APLP2: variants seen among roughly 807,000 people sequenced by gnomAD.
The protein encoded by APLP2 is amyloid beta precursor like protein 2, also known as CDEI box-binding protein.
APLP2 carries 53 observed loss-of-function variants against 89.9 expected under a neutral mutation model. The ratio of observed to expected loss-of-function variants is 0.59; its 90% CI spans 0.47 to 0.74. The LOEUF (loss-of-function observed/expected upper bound fraction) is 0.74. Ranked by LOEUF, APLP2 falls within the 30% of genes least tolerant of loss-of-function variation. The pLI is 0.00. For synonymous variants in APLP2, 372 were observed against 348.6 expected, an observed-to-expected ratio of 1.07 and a Z score of -0.75; for missense variants, 973 against 975.9, an observed-to-expected ratio of 1.00 and a Z score of 0.04.
intron 12 of APLP2, 24 bp downstream of exon 12, chr11:130,133,752 A>G (rs1951206083): frequency 4.5e-6 from 7 of 1,565,434 alleles, no homozygotes; most frequent in South Asian, 1.1e-5. Flanking sequence ...CTTTGTGTCA[A>G]GGTCATACGG....
chr11:130,131,748 A>G (rs1565597869), intron 11 of APLP2, among the ~76,000 whole-genome samples: 1 of 152,162 alleles, frequency 6.6e-6, no homozygotes, highest in Non-Finnish European at 1.5e-5. Context: ...AGTAGAAGGG[A>G]AGGAGAGATT....
chr11:130,071,933 CA>C (rs1314932985), intron 1 of APLP2, among the ~76,000 whole-genome samples: 1 of 152,148 alleles, frequency 6.6e-6, no homozygotes, highest in Non-Finnish European at 1.5e-5. Context: ...TGCTGTCAGG[CA>C]AGGGACTGTC....
chr11:130,078,256 C>T (rs966184139), intron 1 of APLP2, among the ~76,000 whole-genome samples: 1 of 151,934 alleles, frequency 6.6e-6, no homozygotes, highest in African/African-American at 2.4e-5. Flanking sequence ...TTTTTGACAG[C>T]CACGTGTATT....
chr11:130,076,823 A>G (rs1942215575), intron 1 of APLP2, among the ~76,000 whole-genome samples: 1 of 152,192 alleles, frequency 6.6e-6, no homozygotes, highest in Non-Finnish European at 1.5e-5. Flanking sequence ...GCCCACCAGC[A>G]TAAGACCCCT....
At chr11:130,117,822 C>G (rs1313094056) in intron 3 of APLP2, among the ~76,000 whole-genome samples, 1 of 152,122 alleles carries the variant, frequency 6.6e-6, no homozygotes, top group Non-Finnish European at 1.5e-5. Context: ...CCTGTAATCC[C>G]AACACTTGGG....
intron 1 of APLP2, among the ~76,000 whole-genome samples, chr11:130,099,899 A>G (rs1371830431): frequency 6.6e-6 from 1 of 152,190 alleles, no homozygotes; most frequent in Admixed American, 6.5e-5. Flanking sequence ...TGCGGCAGGC[A>G]TTGTGCTCAG....
At chr11:130,105,050 G>C (rs1397586155) in intron 1 of APLP2, among the ~76,000 whole-genome samples, 1 of 152,222 alleles carries the variant, frequency 6.6e-6, no homozygotes, top group Non-Finnish European at 1.5e-5. Context: ...TAGAAGGATT[G>C]TTCATGTCTG....
Position 130,109,332 on chromosome 11 carries a change from G to T in APLP2, c.106-97G>T. 7 of 1,096,482 alleles carry T rather than the reference G, an allele frequency of 6.4e-6. No homozygotes were observed. In the South Asian group the frequency reaches 1.2e-4, roughly 19 times the overall value. 67.9% of individuals were successfully genotyped at this position (1,096,482 alleles called of 1,614,324 possible). On this transcript the variant is annotated intron_variant, in intron 1 of 16. Coordinates refer to ENST00000338167, the MANE Select transcript of APLP2 (RefSeq NM_001142276.2). ...AAGATACAAATAGTAAATAATTAAG[G>T]TTTTTAAAAGATGCATTCTGTCACA... is the stretch of plus-strand genomic sequence containing the variant.
chr11:130,141,490 T>C lies in APLP2; in HGVS notation c.1924-8T>C. The stretch of plus-strand genomic sequence containing the variant: ...TGCTTGCTGCCGACATTCTCATGAC[T>C]GTTTCAGGTCATTGACGAGACTCTG... On this transcript the variant is annotated splice_polypyrimidine_tract_variant and splice_region_variant and intron_variant, in intron 14 of 16. Transcript: ENST00000338167. This position sits in a 1 kb window ranked among gnomAD's most constrained non-coding sequence, Gnocchi z 4.2. 1 of 1,613,294 alleles carries C rather than the reference T, an allele frequency of 6.2e-7. No individual in the cohort carries two copies. Among genetic ancestry groups the C allele is most frequent in the Non-Finnish European group, 8.5e-7 (1 of 1,179,370 alleles).
chr11:130,123,911 T>G lies in APLP2; in HGVS notation c.1090+132T>G, dbSNP rs1355903120. The G allele has an allele frequency of 6.1e-6, 6 of 987,670 alleles. No homozygotes were observed. The highest frequency in any genetic ancestry group is 9.1e-6 in the Non-Finnish European group (6 of 660,676). 61.2% of individuals were successfully genotyped at this position (987,670 alleles called of 1,614,324 possible). The stretch of plus-strand genomic sequence containing the variant: ...GTGTTTGCTGTCGGTCGTCTTCCCC[T>G]CATCTTTGTGCTTTCTAGATCTAGG... On this transcript the variant is annotated intron_variant, in intron 7 of 16. Transcript: ENST00000338167. This position sits in a 1 kb window ranked among gnomAD's most constrained non-coding sequence, Gnocchi z 4.0.
intron 12 of APLP2, 64 bp from the exon 13 acceptor site, chr11:130,135,497 CAT>C: frequency 6.4e-7 from 1 of 1,556,166 alleles, no homozygotes; most frequent in Admixed American, 1.8e-5. Flanking sequence ...AGCTCTAGAG[CAT>C]CCTGTGCCTG....
chr11:130,073,834 G>A (rs918686818), intron 1 of APLP2, among the ~76,000 whole-genome samples: 4 of 152,018 alleles, frequency 2.6e-5, no homozygotes, highest in African/African-American at 7.2e-5. Flanking sequence ...TCCATCTCAA[G>A]AAAACAAGAA....
chr11:130,076,552 C>CA (rs1219140528), intron 1 of APLP2, among the ~76,000 whole-genome samples: 5 of 152,168 alleles, frequency 3.3e-5, no homozygotes, highest in African/African-American at 1.2e-4. Flanking sequence ...ACCAGATACT[C>CA]AATCAGTGGC....
At position 130,139,983 on chromosome 11, in the gene APLP2, C is replaced by T. The variant is rs190962796; in HGVS notation, c.1838-415C>T. On this transcript the variant is annotated intron_variant, in intron 13 of 16. Coordinates refer to ENST00000338167, the MANE Select transcript of APLP2 (RefSeq NM_001142276.2). ...GCTAACCTACTATGTCCAAGGCAAA[C>T]GTGCAGGTTATTGTGAGGATGGGTG... 1.6e-4 allele frequency among the ~76,000 whole-genome samples: 24 copies of T among 152,244 alleles called. No individual in the cohort carries two copies. In the East Asian group the frequency reaches 3.1e-3, roughly 20 times the overall value.
At chr11:130,130,321 G>A (rs1950804127) in intron 11 of APLP2, among the ~76,000 whole-genome samples, 155 bp downstream of exon 11, 1 of 152,218 alleles carries the variant, frequency 6.6e-6, no homozygotes, top group South Asian at 2.1e-4. Context: ...ACGTGAACTG[G>A]TTTTTGCAAG....
At chr11:130,128,844 C>G (rs919644913) in intron 9 of APLP2, among the ~76,000 whole-genome samples, 9 of 152,164 alleles carry the variant, frequency 5.9e-5, no homozygotes, top group South Asian at 2.1e-4. Flanking sequence ...AACTTGCTCT[C>G]TTTAAAGAAG....
intron 12 of APLP2, 45 bp downstream of exon 12, chr11:130,133,773 A>G: frequency 1.4e-6 from 2 of 1,458,086 alleles, no homozygotes; most frequent in African/African-American, 2.8e-5. Context: ...GACTTCTTGC[A>G]GAGGCTCAGG....
rs1945317333 is a variant in APLP2 at position 130,091,844 on chromosome 11, ACG to A, written c.106-17584_106-17583del. Among the ~76,000 whole-genome samples, 4 of 142,344 alleles carry A rather than the reference ACG, an allele frequency of 2.8e-5. No homozygotes were observed. The South Asian group carries it at 9.2e-4, about 33-fold the overall frequency. The allele number at this position is 142,344 out of a possible 152,430, so 93.4% of individuals were successfully genotyped here. On this transcript the variant is annotated intron_variant, in intron 1 of 16. Transcript: ENST00000338167. Reference sequence around the variant, plus strand: ...TGACCCCCCCCCACCTCCCTCCCGGACGGGGTGGCTGCCGGGTGGAGACGCTC... The same window carrying A: ...TGACCCCCCCCCACCTCCCTCCCGGAGGGTGGCTGCCGGGTGGAGACGCTC...
In APLP2 at chr11:130,126,967, C is replaced by T. The variant is rs988764439; in HGVS notation, c.1221+137C>T. ...GACTGGTGAGTCAGGAGAGAGTTAC[C>T]AGTGGAGCTGCCTTCTGGGTGGACT... is the stretch of plus-strand genomic sequence containing the variant. On this transcript the variant is annotated intron_variant, in intron 8 of 16. Coordinates refer to ENST00000338167, the MANE Select transcript of APLP2 (RefSeq NM_001142276.2). 6.9e-6 allele frequency: 8 copies of T among 1,158,152 alleles called. No homozygotes were observed. In the Admixed American group the frequency reaches 1.8e-4, roughly 27 times the overall value. The allele number at this position is 1,158,152 out of a possible 1,614,324, so 71.7% of individuals were successfully genotyped here.
Sources: allele counts gnomAD v4.1 joint callset (sites outside exome capture counted in the v4.1 genomes callset), GRCh38; gene constraint gnomAD v4.1.1; non-coding constraint Gnocchi (gnomAD v3.1); transcripts MANE v1.5; gene names NCBI Gene and HGNC (gene_info 2026-07-23, HGNC 2026-07-21).